GFOD1: variants seen among roughly 807,000 people sequenced by gnomAD.
GFOD1 encodes Gfo/Idh/MocA-like oxidoreductase domain containing 1.
GFOD1 carries 9 observed loss-of-function variants against 25.4 expected under a neutral mutation model. The observed-to-expected ratio is 0.35, with a 90% CI of 0.21 to 0.62. GFOD1 has a LOEUF of 0.62. Among genes scored for constraint, GFOD1 ranks in the 20% least tolerant of loss-of-function variants. The pLI is 0.72. For missense variants in GFOD1, 403 were observed against 556.9 expected (o/e 0.72, Z 2.78); for synonymous variants, 253 against 245.6 (o/e 1.03, Z -0.28).
intron 1 of GFOD1, among the ~76,000 whole-genome samples, chr6:13,373,596 A>G (rs1319981536): frequency 1.3e-5 from 2 of 152,084 alleles, no homozygotes; most frequent in Non-Finnish European, 2.9e-5. Flanking sequence ...GAACAGAGCT[A>G]TTTATAATCC....
At chr6:13,405,929 C>T (rs887304410) in intron 1 of GFOD1, among the ~76,000 whole-genome samples, 9 of 152,286 alleles carry the variant, frequency 5.9e-5, no homozygotes, top group Non-Finnish European at 7.4e-5. Context: ...TCATCAGTGG[C>T]TTGAAGGGTT....
chr6:13,420,529 C>G (rs374822900), intron 1 of GFOD1, among the ~76,000 whole-genome samples: 2 of 152,166 alleles, frequency 1.3e-5, no homozygotes, highest in African/African-American at 2.4e-5. Flanking sequence ...TGTCACCAAT[C>G]GAGATGGATC....
chr6:13,470,642 GGAGAAGAGACA>G, intron 1 of GFOD1: 1 of 1,455,756 alleles, frequency 6.9e-7, no homozygotes, highest in Non-Finnish European at 9.1e-7. Context: ...TGTTGGAAAG[GGAGAAGAGACA>G]GAGAAGAGGA....
intron 1 of GFOD1, chr6:13,469,595 A>C (rs928036547): frequency 1.1e-5 from 12 of 1,068,206 alleles, no homozygotes; most frequent in Middle Eastern, 4.5e-4. Context: ...TTCTGATTCC[A>C]CTTGTTCTTA....
chr6:13,444,709 A>G (rs1206530069), intron 1 of GFOD1, among the ~76,000 whole-genome samples: 1 of 152,184 alleles, frequency 6.6e-6, no homozygotes, highest in Admixed American at 6.5e-5. Flanking sequence ...AAGTATGTAC[A>G]TTGTTCTTTA....
At chr6:13,396,086 G>C (rs1408629922) in intron 1 of GFOD1, among the ~76,000 whole-genome samples, 2 of 152,204 alleles carry the variant, frequency 1.3e-5, no homozygotes, top group Non-Finnish European at 2.9e-5. Flanking sequence ...TTTGTTTTTA[G>C]TAACCATGTA....
intron 1 of GFOD1, among the ~76,000 whole-genome samples, chr6:13,465,470 T>C (rs1023099310): frequency 4.6e-5 from 7 of 152,202 alleles, no homozygotes; most frequent in African/African-American, 1.7e-4. Flanking sequence ...AATCAGAATC[T>C]GCATTTTAAC....
At chr6:13,433,506 G>C (rs1562217808) in intron 1 of GFOD1, among the ~76,000 whole-genome samples, 1 of 152,140 alleles carries the variant, frequency 6.6e-6, no homozygotes, top group Non-Finnish European at 1.5e-5. Context: ...CCTAGATGCT[G>C]ATAGCTCCTC....
rs1785010484 is a variant in GFOD1 at position 13,364,919 on chromosome 6, T to C, written c.997A>G (p.Met333Val). ...RRTWDGRPLT[M>V]AATFDDCLYA... is the part of the protein sequence containing the mutation. ...AGGCAGTCGTCGAAGGTGGCGGCCA[T>C]GGTGAGGGGCCGCCCATCCCACGTG... The change falls in exon 2 of 2, where the codon ATG (methionine) becomes GTG (valine). Residue 333 changes from methionine (M) to valine (V), a missense_variant. Coordinates refer to ENST00000379287, the MANE Select transcript of GFOD1 (RefSeq NM_018988.4). This position sits in a 1 kb window ranked among gnomAD's most constrained non-coding sequence, Gnocchi z 4.1. 1 of 1,612,782 alleles carries C rather than the reference T, an allele frequency of 6.2e-7. No homozygotes were observed. The highest frequency in any genetic ancestry group is 1.3e-5 in the African/African-American group (1 of 74,928).
chr6:13,433,594 C>G (rs1467358271), intron 1 of GFOD1, among the ~76,000 whole-genome samples: 1 of 152,168 alleles, frequency 6.6e-6, no homozygotes, highest in East Asian at 1.9e-4. Flanking sequence ...TTGAACATCA[C>G]TGGGTTAAGC....
chr6:13,478,719 G>A (rs975486809), intron 1 of GFOD1, among the ~76,000 whole-genome samples: 3 of 152,236 alleles, frequency 2.0e-5, no homozygotes, highest in Non-Finnish European at 4.4e-5. Context: ...TTTGGGAGCT[G>A]CGTGTGGACA....
intron 1 of GFOD1, among the ~76,000 whole-genome samples, chr6:13,461,574 G>A (rs1262167698): frequency 1.2e-4 from 19 of 152,120 alleles, no homozygotes; most frequent in Non-Finnish European, 2.2e-4. Context: ...CCGCAGCAGG[G>A]TGGCACCACT....
At chr6:13,413,115 C>T (rs552033) in intron 1 of GFOD1, among the ~76,000 whole-genome samples, 141,565 of 152,124 alleles carry the variant, frequency 0.93, 66,754 homozygotes, top group East Asian at 1. Flanking sequence ...GTGCCTGCAC[C>T]CTAGACTGAG....
chr6:13,407,168 C>T (rs571773181), intron 1 of GFOD1, among the ~76,000 whole-genome samples: 34 of 152,280 alleles, frequency 2.2e-4, no homozygotes, highest in African/African-American at 7.2e-4. Context: ...ATCCTGGATC[C>T]CAAACACTAT....
At chr6:13,414,722 A>C (rs903730184) in intron 1 of GFOD1, among the ~76,000 whole-genome samples, 3 of 152,232 alleles carry the variant, frequency 2.0e-5, no homozygotes, top group Admixed American at 2.0e-4. Context: ...ATTATCCTGA[A>C]TCTAAACTTC....
intron 1 of GFOD1, among the ~76,000 whole-genome samples, chr6:13,458,342 T>C (rs1758228076): frequency 6.6e-6 from 1 of 152,196 alleles, no homozygotes; most frequent in Admixed American, 6.5e-5. Flanking sequence ...TGTCTTGAAC[T>C]CCTGACCTTG....
chr6:13,365,595 G>A lies in GFOD1; in HGVS notation c.321C>T (p.Ala107=), dbSNP rs772450879. The change falls in exon 2 of 2, where the codon GCC becomes GCT. Residue 107 remains alanine, a synonymous_variant. Transcript: ENST00000379287. The surrounding 1 kb of genome is among the most constrained non-coding windows in gnomAD (Gnocchi z 9.2). Reference sequence around the variant, plus strand: ...TCATGAGCTTGGGGTAGTAGTGGGCGGCCGAGGTCATGCGGAAAGCGTCCA... The same window carrying A: ...TCATGAGCTTGGGGTAGTAGTGGGCAGCCGAGGTCATGCGGAAAGCGTCCA... ...TPLDAFRMTS[A]AHYYPKLMSI... 3.1e-6 allele frequency: 5 copies of A among 1,606,580 alleles called. No individual in the cohort carries two copies. Among genetic ancestry groups the A allele is most frequent in the Admixed American group, 1.7e-5 (1 of 60,030 alleles).
At chr6:13,442,392 T>C (rs1420868594) in intron 1 of GFOD1, among the ~76,000 whole-genome samples, 1 of 152,266 alleles carries the variant, frequency 6.6e-6, no homozygotes, top group African/African-American at 2.4e-5. Context: ...TATCACATTT[T>C]GGTAATTCTC....
At chr6:13,398,546 T>A (rs948125016) in intron 1 of GFOD1, among the ~76,000 whole-genome samples, 5 of 152,204 alleles carry the variant, frequency 3.3e-5, no homozygotes, top group African/African-American at 1.2e-4. Flanking sequence ...ACACCTATTT[T>A]GTATATTTAA....
Sources: gnomAD v4.1 joint callset for allele counts (sites outside exome capture counted in the v4.1 genomes callset) on GRCh38, gnomAD v4.1.1 for gene constraint, Gnocchi (gnomAD v3.1) non-coding constraint, MANE v1.5 for transcripts, NCBI Gene and HGNC (gene_info 2026-07-23, HGNC 2026-07-21) for gene names.